DNM2: variants seen among roughly 807,000 people sequenced by gnomAD.
DNM2 encodes dynamin 2, also known as dynamin-2.
A neutral mutation model predicts 99.0 loss-of-function variants in DNM2; 15 were observed. That is an observed-to-expected ratio of 0.15 (90% confidence interval 0.10 to 0.23). The LOEUF (loss-of-function observed/expected upper bound fraction) is 0.23. DNM2 is among the 10% of genes least tolerant of loss of function. The pLI, the probability that DNM2 is intolerant of heterozygous loss-of-function variation, is 1.00. For missense variants in DNM2, 742 were observed against 1,189.4 expected, an observed-to-expected ratio of 0.62 and a Z score of 5.53; for synonymous variants, 525 against 481.2, an observed-to-expected ratio of 1.09 and a Z score of -1.19.
intron 7 of DNM2, among the ~76,000 whole-genome samples, chr19:10,792,939 C>T (rs1322359927): frequency 6.6e-6 from 1 of 152,092 alleles, no homozygotes; most frequent in Non-Finnish European, 1.5e-5. Flanking sequence ...AATGTGGTCT[C>T]ACTGTGTTGC....
At chr19:10,822,788 T>C (rs1184433749) in intron 16 of DNM2, among the ~76,000 whole-genome samples, 2 of 143,314 alleles carry the variant, frequency 1.4e-5, no homozygotes, top group African/African-American at 2.5e-5. Context: ...CGTGAGCCAC[T>C]GTGCCCAGCC....
rs150170640 is a variant in DNM2 at position 10,813,397 on chromosome 19, G to T, written c.1671+1020G>T. ...GATACATAATGTTTGACATATTTAT[G>T]GGGTCCCTGTGATGTTTTATTAGAT... On this transcript the variant is annotated intron_variant, in intron 15 of 20. Transcript: ENST00000389253. Among the ~76,000 whole-genome samples the T allele has an allele frequency of 2.1e-3, 318 of 152,318 alleles. 2 individuals carry two copies. The highest frequency in any genetic ancestry group is 7.3e-3 in the African/African-American group (304 of 41,578).
intron 1 of DNM2, among the ~76,000 whole-genome samples, chr19:10,732,718 T>C (rs2069375699): frequency 6.6e-6 from 1 of 151,948 alleles, no homozygotes; most frequent in Admixed American, 6.6e-5. Flanking sequence ...TATATATATA[T>C]ATATATTTCT....
At chr19:10,806,472 G>A (rs1414222034) in intron 13 of DNM2, among the ~76,000 whole-genome samples, 1 of 151,846 alleles carries the variant, frequency 6.6e-6, no homozygotes, top group African/African-American at 2.4e-5. Flanking sequence ...ACCATCCGGG[G>A]CAATACAATG....
intron 6 of DNM2, among the ~76,000 whole-genome samples, chr19:10,783,695 TATTA>T (rs1408726207): frequency 5.2e-5 from 7 of 133,728 alleles, no homozygotes; most frequent in African/African-American, 1.0e-4. Flanking sequence ...TTATTATTAT[TATTA>T]TTATTATTTT....
chr19:10,745,211 C>T (rs1255676383), intron 1 of DNM2, among the ~76,000 whole-genome samples: 5 of 152,284 alleles, frequency 3.3e-5, no homozygotes, highest in South Asian at 4.1e-4. Flanking sequence ...ACTTGACCTT[C>T]GGCACTGCAG....
chr19:10,750,987 G>A lies in DNM2; in HGVS notation c.162-8751G>A, dbSNP rs184964893. 1.5e-4 allele frequency among the ~76,000 whole-genome samples: 23 copies of A among 152,040 alleles called. No homozygotes were observed. In the East Asian group the frequency reaches 3.9e-3, roughly 26 times the overall value. On this transcript the variant is annotated intron_variant, in intron 1 of 20. Coordinates refer to ENST00000389253, the MANE Select transcript of DNM2 (RefSeq NM_001005361.3). Reference sequence around the variant, plus strand: ...ATGCTTTGGGGATGGAATGTTGGAGGATCCCACCTTGGGGAGCTGTGTGTG... The same window carrying A: ...ATGCTTTGGGGATGGAATGTTGGAGAATCCCACCTTGGGGAGCTGTGTGTG...
chr19:10,796,943 G>A lies in DNM2; in HGVS notation c.1197-437G>A, dbSNP rs2071957395. ...CTTGCGCGACCACAGTGTCCCCAGC[G>A]CTCCGGGTTGCCAGGGAATTTCTGC... On this transcript the variant is annotated intron_variant, in intron 9 of 20. Transcript: ENST00000389253. This position sits in a 1 kb window ranked among gnomAD's most constrained non-coding sequence, Gnocchi z 5.6. Among the ~76,000 whole-genome samples the A allele has an allele frequency of 3.3e-5, 5 of 152,112 alleles. No homozygotes were observed. Among genetic ancestry groups the A allele is most frequent in the Admixed American group, 3.3e-4 (5 of 15,256 alleles).
rs189026938 is a variant in DNM2 at position 10,749,663 on chromosome 19, A to G, written c.162-10075A>G. ...TTGAACCCAGGCTGCCTGGCTCCAC[A>G]GTCTGGATTCTTCTTACCCATTCAA... is the stretch of plus-strand genomic sequence containing the variant. On this transcript the variant is annotated intron_variant, in intron 1 of 20. Coordinates refer to ENST00000389253, the MANE Select transcript of DNM2 (RefSeq NM_001005361.3). Among the ~76,000 whole-genome samples, 388 of 152,368 alleles carry G rather than the reference A, an allele frequency of 2.5e-3. 1 individual carries two copies. Among genetic ancestry groups the G allele is most frequent in the Non-Finnish European group, 5.0e-3 (339 of 68,028 alleles).
intron 18 of DNM2, among the ~76,000 whole-genome samples, chr19:10,826,187 C>T (rs1204038925): frequency 3.9e-5 from 6 of 152,170 alleles, no homozygotes; most frequent in Non-Finnish European, 7.3e-5. Context: ...TGCAGGTGTG[C>T]GCCTTCTCTG....
Position 10,811,774 on chromosome 19 carries a change from T to C in DNM2, c.1558-490T>C, listed in dbSNP as rs1315338050. ...CCAGCCTGAAACCCTGATGTGTCAGTCAAAAGGATGACCACCAGGCTTGCA... is the reference window on the plus strand; with the variant it reads ...CCAGCCTGAAACCCTGATGTGTCAGCCAAAAGGATGACCACCAGGCTTGCA... On this transcript the variant is annotated intron_variant, in intron 14 of 20. Coordinates refer to ENST00000389253, the MANE Select transcript of DNM2 (RefSeq NM_001005361.3). This position sits in a 1 kb window ranked among gnomAD's most constrained non-coding sequence, Gnocchi z 5.4. The C allele has an allele frequency of 1.2e-5, 6 of 518,500 alleles. No homozygotes were observed. The highest frequency in any genetic ancestry group is 8.4e-5 in the South Asian group (6 of 71,490). The allele number at this position is 518,500 out of a possible 1,614,324, so 32.1% of individuals were successfully genotyped here.
At chr19:10,732,709 A>T (rs75492262) in intron 1 of DNM2, among the ~76,000 whole-genome samples, 13 of 138,684 alleles carry the variant, frequency 9.4e-5, no homozygotes, top group Admixed American at 2.1e-4. Context: ...CAGATTTTTT[A>T]TATATATATA....
intron 1 of DNM2, among the ~76,000 whole-genome samples, chr19:10,726,482 A>G (rs764867192): frequency 6.6e-6 from 1 of 152,180 alleles, no homozygotes; most frequent in African/African-American, 2.4e-5. Context: ...ACATGCAGGC[A>G]CGCCCTGTTC....
chr19:10,746,018 G>C (rs920745080), intron 1 of DNM2, among the ~76,000 whole-genome samples: 18 of 152,176 alleles, frequency 1.2e-4, no homozygotes, highest in African/African-American at 4.1e-4. Context: ...GAGTGCAGTG[G>C]CATGATCTTG....
At chr19:10,793,264 G>C (rs547020328) in intron 7 of DNM2, among the ~76,000 whole-genome samples, 86 of 152,312 alleles carry the variant, frequency 5.6e-4, no homozygotes, top group Admixed American at 9.2e-4. Flanking sequence ...GCTCAGAGGG[G>C]CAAAGTCCTG....
At chr19:10,803,562 T>A (rs1295403675) in intron 12 of DNM2, 1 of 926,484 alleles carries the variant, frequency 1.1e-6, no homozygotes, top group Non-Finnish European at 1.3e-6. Flanking sequence ...TCATCCACAG[T>A]TCCTTCTCAC....
chr19:10,792,949 C>G (rs2071805705), intron 7 of DNM2, among the ~76,000 whole-genome samples: 2 of 152,032 alleles, frequency 1.3e-5, no homozygotes, highest in South Asian at 4.1e-4. Flanking sequence ...CACTGTGTTG[C>G]CCAGGGTGGT....
intron 1 of DNM2, among the ~76,000 whole-genome samples, chr19:10,737,321 T>G (rs2069566015): frequency 6.6e-6 from 1 of 152,058 alleles, no homozygotes; most frequent in African/African-American, 2.4e-5. Context: ...CTGTGGCTCA[T>G]TTCATCAGCA....
intron 1 of DNM2, among the ~76,000 whole-genome samples, chr19:10,750,412 A>T (rs981505794): frequency 1.3e-5 from 2 of 151,986 alleles, no homozygotes; most frequent in Non-Finnish European, 2.9e-5. Flanking sequence ...CCGGGAGTTC[A>T]AGGCTGCAGT....
Sources: gnomAD v4.1 joint callset for allele counts (sites outside exome capture counted in the v4.1 genomes callset) on GRCh38, gnomAD v4.1.1 for gene constraint, Gnocchi (gnomAD v3.1) non-coding constraint, MANE v1.5 for transcripts, NCBI Gene and HGNC (gene_info 2026-07-23, HGNC 2026-07-21) for gene names.